The following PDXDC1 variants were observed in gnomAD, a reference collection of about 807,000 sequenced individuals.
The protein encoded by PDXDC1 is pyridoxal-dependent decarboxylase domain-containing protein 1.
PDXDC1 carries 42 observed loss-of-function variants against 100.1 expected under a neutral mutation model. The ratio of observed to expected loss-of-function variants is 0.42; its 90% CI spans 0.33 to 0.54. The LOEUF (loss-of-function observed/expected upper bound fraction) is 0.54. Among genes scored for constraint, PDXDC1 ranks in the 20% least tolerant of loss-of-function variants. PDXDC1 has a pLI of 0.10. For missense variants in PDXDC1, 636 were observed against 979.2 expected (o/e 0.65, Z 4.68); for synonymous variants, 260 against 371.7 (o/e 0.70, Z 3.46).
At chr16:15,040,290 T>A, downstream of PDXDC1, 1 of 423,582 alleles carries the variant, frequency 2.4e-6, no homozygotes, top group Non-Finnish European at 4.2e-6. Flanking sequence ...TGAGATTTTG[T>A]TCTAAACCAA....
intron 12 of PDXDC1, among the ~76,000 whole-genome samples, chr16:15,019,634 T>C (rs2042030781): frequency 6.6e-6 from 1 of 152,294 alleles, no homozygotes; most frequent in South Asian, 2.1e-4. Flanking sequence ...GCCTTGCATG[T>C]GGCCTCACAT....
intron 16 of PDXDC1, chr16:15,135,957 G>A (rs1437012227): frequency 8.3e-6 from 13 of 1,574,888 alleles, no homozygotes; most frequent in African/African-American, 5.4e-5. Flanking sequence ...AGGGCCACAC[G>A]CGCCGGGCAC....
intron 1 of PDXDC1, among the ~76,000 whole-genome samples, chr16:14,984,496 T>TATATATATATA (rs1491326563): frequency 7.8e-5 from 4 of 51,222 alleles, no homozygotes; most frequent in East Asian, 1.5e-3. Context: ...TATATATATA[T>TATATATATATA]TTTTTTTTTT....
At chr16:15,022,335 C>T (rs1179778059) in intron 12 of PDXDC1, among the ~76,000 whole-genome samples, 1 of 151,898 alleles carries the variant, frequency 6.6e-6, no homozygotes, top group Non-Finnish European at 1.5e-5. Flanking sequence ...CAGCACTGTG[C>T]TCTTATCACC....
chr16:15,002,535 T>C (rs1189600092), intron 4 of PDXDC1, among the ~76,000 whole-genome samples: 46 of 152,282 alleles, frequency 3.0e-4, no homozygotes, highest in Non-Finnish European at 1.3e-4. Context: ...GTGTTTTACT[T>C]TGAACAGATG....
At chr16:15,002,412 C>T (rs1973353425) in intron 4 of PDXDC1, among the ~76,000 whole-genome samples, 1 of 152,292 alleles carries the variant, frequency 6.6e-6, no homozygotes, top group Non-Finnish European at 1.5e-5. Flanking sequence ...CTATGCCCAC[C>T]CTCTCTAATA....
intron 16 of PDXDC1, among the ~76,000 whole-genome samples, chr16:15,073,452 C>T (rs1281865405): frequency 1.3e-5 from 2 of 151,400 alleles, no homozygotes; most frequent in African/African-American, 2.4e-5. Flanking sequence ...AAGACCGTGG[C>T]TATTTAAAAA....
intron 16 of PDXDC1, chr16:15,106,464 G>T: frequency 9.8e-6 from 12 of 1,220,028 alleles, no homozygotes; most frequent in Non-Finnish European, 1.4e-5. Flanking sequence ...GGCTGTAAGA[G>T]TACAGTCTGA....
At chr16:15,123,317 T>G in intron 16 of PDXDC1, 2 of 1,367,806 alleles carry the variant, frequency 1.5e-6, no homozygotes, top group South Asian at 2.5e-5. Context: ...CCCAACCAGC[T>G]CCCTGTCCCT....
In PDXDC1 at chr16:15,038,101, C is replaced by A; in HGVS notation, c.*1826C>A. 3.1e-6 allele frequency: 5 copies of A among 1,612,662 alleles called. No homozygotes were observed. The highest frequency in any genetic ancestry group is 4.2e-6 in the Non-Finnish European group (5 of 1,178,812). ...TTTTTTGTAGAGTAGGGCTTTATTT[C>A]CAGAAAACAGTGTGTGAGCTGGAGA... On this transcript the variant is annotated 3_prime_UTR_variant, in exon 23 of 23. Transcript: ENST00000396410.
chr16:15,085,745 A>G, intron 16 of PDXDC1: 3 of 1,609,480 alleles, frequency 1.9e-6, no homozygotes, highest in Non-Finnish European at 2.5e-6. Context: ...TGATCTAGAC[A>G]ATGAATGGCT....
chr16:15,125,073 G>A (rs2047631319), intron 16 of PDXDC1, among the ~76,000 whole-genome samples: 1 of 150,268 alleles, frequency 6.7e-6, no homozygotes, highest in Admixed American at 6.6e-5. Context: ...CTTGAACCCG[G>A]GAGGCGGAGG....
intron 7 of PDXDC1, 106 bp downstream of exon 7, chr16:15,008,953 T>C (rs942787379): frequency 2.3e-5 from 25 of 1,080,662 alleles, no homozygotes; most frequent in Non-Finnish European, 3.2e-5. Flanking sequence ...AACTTACTCA[T>C]GTATTGCTTG....
At chr16:15,056,045 C>T in intron 16 of PDXDC1, 2 of 636,356 alleles carry the variant, frequency 3.1e-6, no homozygotes, top group Non-Finnish European at 2.0e-6. Context: ...CGCCCGCCGC[C>T]CCCGCCCCTC....
intron 1 of PDXDC1, among the ~76,000 whole-genome samples, chr16:14,984,515 T>A (rs2151195517): frequency 7.3e-6 from 1 of 137,392 alleles, no homozygotes; most frequent in African/African-American, 2.6e-5. Flanking sequence ...TTTTTTTTTC[T>A]GAGACGGACT....
At chr16:15,042,041 C>T (rs934105004), downstream of PDXDC1, among the ~76,000 whole-genome samples, 1 of 152,166 alleles carries the variant, frequency 6.6e-6, no homozygotes, top group Non-Finnish European at 1.5e-5. Context: ...AAAAATCTGG[C>T]CACTGTAACA....
At chr16:15,076,978 CACTTTT>C (rs1478299260) in intron 16 of PDXDC1, among the ~76,000 whole-genome samples, 18 of 80,064 alleles carry the variant, frequency 2.2e-4, no homozygotes, top group Admixed American at 7.9e-4. Context: ...CCACCCAAAT[CACTTTT>C]TTTTTTTTTT....
intron 1 of PDXDC1, among the ~76,000 whole-genome samples, chr16:14,985,378 C>T (rs1247330867): frequency 6.6e-6 from 1 of 151,936 alleles, no homozygotes; most frequent in Non-Finnish European, 1.5e-5. Flanking sequence ...AGCTCCGCCT[C>T]CCGGGTTCAC....
intron 17 of PDXDC1, 192 bp from the exon 18 acceptor site, chr16:15,032,669 A>AAAAAAAAAAAAAAGT: frequency 6.7e-6 from 3 of 448,478 alleles, no homozygotes; most frequent in Admixed American, 4.4e-5. Context: ...AAAAAAAAAA[A>AAAAAAAAAAAAAAGT]GGCTTTCCTG....
Sources: allele counts gnomAD v4.1 joint callset (sites outside exome capture counted in the v4.1 genomes callset), GRCh38; gene constraint gnomAD v4.1.1; transcripts MANE v1.5; gene names NCBI Gene and HGNC (gene_info 2026-07-23, HGNC 2026-07-21).